The following CDH13 variants were observed in gnomAD, a reference collection of about 807,000 sequenced individuals.
CDH13 encodes cadherin 13.
CDH13 carries 24 observed loss-of-function variants against 63.8 expected under a neutral mutation model. That is an observed-to-expected ratio of 0.38 (90% CI 0.27 to 0.53). The LOEUF (loss-of-function observed/expected upper bound fraction) is 0.53, where lower values mean the gene tolerates loss of function less well. Among genes scored for constraint, CDH13 ranks in the 20% least tolerant of loss-of-function variants. CDH13 has a pLI of 0.85. For missense variants in CDH13, 1,049 were observed against 903.1 expected (o/e 1.16, Z -2.07); for synonymous variants, 503 against 355.3 (o/e 1.42, Z -4.67).
At chr16:83,308,781 G>A (rs372767875) in intron 5 of CDH13, among the ~76,000 whole-genome samples, 1 of 152,204 alleles carries the variant, frequency 6.6e-6, no homozygotes, top group African/African-American at 2.4e-5. Flanking sequence ...GGAGAATCAA[G>A]ACCCTGGAAA....
intron 1 of CDH13, among the ~76,000 whole-genome samples, chr16:82,704,279 T>G (rs968922174): frequency 6.6e-6 from 1 of 152,168 alleles, no homozygotes; most frequent in Admixed American, 6.5e-5. Context: ...CTTGCTGAAT[T>G]TGAGTTTGAA....
intron 5 of CDH13, among the ~76,000 whole-genome samples, chr16:83,287,952 A>G (rs763279168): frequency 6.6e-6 from 1 of 152,140 alleles, no homozygotes; most frequent in Non-Finnish European, 1.5e-5. Flanking sequence ...AAAATCCATA[A>G]TGAGCAAAAT....
chr16:82,840,463 A>G (rs1021036192), intron 1 of CDH13, among the ~76,000 whole-genome samples: 1 of 151,838 alleles, frequency 6.6e-6, no homozygotes, highest in Non-Finnish European at 1.5e-5. Flanking sequence ...TGGACAGATC[A>G]TTTGAGGTCA....
intron 4 of CDH13, among the ~76,000 whole-genome samples, chr16:83,190,893 T>C (rs1287801903): frequency 2.6e-5 from 4 of 152,138 alleles, no homozygotes; most frequent in African/African-American, 9.7e-5. Context: ...GAATCCTCTT[T>C]TGTTACTATG....
rs1046150354 is a variant in CDH13 at position 82,749,638 on chromosome 16, C to T, written c.46-108724C>T. 2.0e-5 allele frequency among the ~76,000 whole-genome samples: 3 copies of T among 152,154 alleles called. No individual in the cohort carries two copies. In the East Asian group the frequency reaches 5.8e-4, roughly 29 times the overall value. ...ATGCGATTGTTTTAAATAGGTGTCC[C>T]TACTTCTGAGTTTCCATTGCATTAT... On this transcript the variant is annotated intron_variant, in intron 1 of 13. Transcript: ENST00000567109.
At chr16:83,730,752 G>C (rs919041427) in intron 10 of CDH13, among the ~76,000 whole-genome samples, 1 of 152,078 alleles carries the variant, frequency 6.6e-6, no homozygotes, top group Non-Finnish European at 1.5e-5. Context: ...TGGGGTATGA[G>C]TGATCCCATC....
chr16:83,462,876 A>G (rs2073215696), intron 6 of CDH13, among the ~76,000 whole-genome samples: 1 of 152,150 alleles, frequency 6.6e-6, no homozygotes, highest in African/African-American at 2.4e-5. Flanking sequence ...AGTTTATGTA[A>G]TACCTAGATC....
chr16:83,728,682 G>A (rs1047240745), intron 10 of CDH13, among the ~76,000 whole-genome samples: 10 of 152,152 alleles, frequency 6.6e-5, no homozygotes, highest in East Asian at 1.9e-4. Context: ...ACGACATGCC[G>A]TTTTTATTGT....
chr16:82,803,826 A>G (rs985638311), intron 1 of CDH13, among the ~76,000 whole-genome samples: 9 of 152,198 alleles, frequency 5.9e-5, no homozygotes, highest in African/African-American at 2.2e-4. Flanking sequence ...GAAAGGGGAA[A>G]TTTATTGCTC....
rs2151027910 is a variant in CDH13 at position 83,800,540 on chromosome 16, G to A, written c.*5510G>A. 2 of 152,344 alleles carry A rather than the reference G, an allele frequency of 1.3e-5. No homozygotes were observed. Among genetic ancestry groups the A allele is most frequent in the South Asian group, 4.1e-4 (2 of 4,828 alleles). The allele number at this position is 152,344 out of a possible 1,614,324, so 9.4% of individuals were successfully genotyped here. ...GGCCCTCACTGCTGAATTGCTTACAGTTTCTGAGCTGTAAACTAACATTTG... is the reference window on the plus strand; with the variant it reads ...GGCCCTCACTGCTGAATTGCTTACAATTTCTGAGCTGTAAACTAACATTTG... On this transcript the variant is annotated 3_prime_UTR_variant, in exon 14 of 14. Coordinates refer to ENST00000567109, the MANE Select transcript of CDH13 (RefSeq NM_001257.5).
intron 11 of CDH13, among the ~76,000 whole-genome samples, chr16:83,758,329 C>A (rs1018107242): frequency 6.6e-6 from 1 of 151,768 alleles, no homozygotes; most frequent in Non-Finnish European, 1.5e-5. Context: ...AAATTCTTAA[C>A]AAAAATATTA....
intron 7 of CDH13, among the ~76,000 whole-genome samples, chr16:83,561,531 T>A (rs1312631058): frequency 2.0e-5 from 3 of 151,876 alleles, no homozygotes; most frequent in Admixed American, 2.0e-4. Context: ...AGTAGCACAA[T>A]ATAAGAAGAA....
intron 3 of CDH13, among the ~76,000 whole-genome samples, chr16:83,089,317 C>T (rs12921394): frequency 0.31 from 47,226 of 152,030 alleles, 8,427 homozygotes; most frequent in Middle Eastern, 0.54. Flanking sequence ...AGATATTTTA[C>T]GTTGTATAAT....
chr16:83,407,899 G>T (rs1261788305), intron 6 of CDH13, among the ~76,000 whole-genome samples: 1 of 152,098 alleles, frequency 6.6e-6, no homozygotes, highest in Admixed American at 6.5e-5. Context: ...CATTTTAAAA[G>T]GGCAGAGTTT....
chr16:83,595,884 A>G (rs560514663), intron 7 of CDH13, among the ~76,000 whole-genome samples: 1 of 152,336 alleles, frequency 6.6e-6, no homozygotes, highest in Non-Finnish European at 1.5e-5. Context: ...TTTGGTACCT[A>G]AAAGGAGCTC....
chr16:83,264,448 T>C lies in CDH13; in HGVS notation c.636+46951T>C, dbSNP rs1452319613. Among the ~76,000 whole-genome samples the C allele has an allele frequency of 4.6e-5, 7 of 152,242 alleles. No homozygotes were observed. The East Asian group carries it at 1.4e-3, about 29-fold the overall frequency. ...AGAAATATATATACTTATATGTGGA[T>C]ATATACATCGTATATATGTATATAT... On this transcript the variant is annotated intron_variant, in intron 5 of 13. Transcript: ENST00000567109.
chr16:83,724,536 G>C (rs1295673753), intron 10 of CDH13, among the ~76,000 whole-genome samples: 3 of 152,136 alleles, frequency 2.0e-5, no homozygotes, highest in Non-Finnish European at 4.4e-5. Flanking sequence ...ATGCATGGAT[G>C]AATGATGAAT....
intron 4 of CDH13, among the ~76,000 whole-genome samples, chr16:83,180,083 C>T (rs1426487774): frequency 1.3e-5 from 2 of 152,012 alleles, no homozygotes; most frequent in African/African-American, 4.8e-5. Flanking sequence ...GACCTTGGAG[C>T]ATAGTGATTG....
At chr16:82,969,672 C>G (rs971335712) in intron 2 of CDH13, among the ~76,000 whole-genome samples, 1 of 152,108 alleles carries the variant, frequency 6.6e-6, no homozygotes, top group African/African-American at 2.4e-5. Flanking sequence ...ACTAGCAGCA[C>G]TGCAGTCATG....
Sources: gnomAD v4.1 joint callset for allele counts (sites outside exome capture counted in the v4.1 genomes callset) on GRCh38, gnomAD v4.1.1 for gene constraint, MANE v1.5 for transcripts, NCBI Gene and HGNC (gene_info 2026-07-23, HGNC 2026-07-21) for gene names.